BAZ2B: variants seen among roughly 807,000 people sequenced by gnomAD.
The protein encoded by BAZ2B is bromodomain adjacent to zinc finger domain protein 2B.
In BAZ2B, 91 loss-of-function variants were observed where a neutral mutation model predicts 246.0. The observed-to-expected ratio is 0.37, with a 90% CI of 0.31 to 0.44. BAZ2B has a LOEUF of 0.44. BAZ2B is among the 20% of genes least tolerant of loss of function. The pLI is 1.00. For synonymous variants in BAZ2B, 855 were observed against 860.0 expected, an observed-to-expected ratio of 0.99 and a Z score of 0.10; for missense variants, 2,332 against 2,533.7, an observed-to-expected ratio of 0.92 and a Z score of 1.71.
At chr2:159,545,918 T>A (rs1011599702) in intron 2 of BAZ2B, among the ~76,000 whole-genome samples, 6 of 152,186 alleles carry the variant, frequency 3.9e-5, no homozygotes, top group Non-Finnish European at 8.8e-5. Flanking sequence ...CAACTACGGA[T>A]AAGGATAAAC....
intron 27 of BAZ2B, among the ~76,000 whole-genome samples, chr2:159,351,298 A>G (rs942569401): frequency 1.3e-5 from 2 of 152,092 alleles, no homozygotes; most frequent in Non-Finnish European, 2.9e-5. Flanking sequence ...ATGTCGATAA[A>G]CATATAACTT....
chr2:159,657,746 T>C, the BAZ2B span, among the ~76,000 whole-genome samples: 1 of 152,346 alleles, frequency 6.6e-6, no homozygotes, highest in Admixed American at 6.5e-5. Context: ...TTCTTTAATG[T>C]CAAATTCAAA....
the BAZ2B span, among the ~76,000 whole-genome samples, chr2:159,685,266 A>G: frequency 6.6e-6 from 1 of 152,228 alleles, no homozygotes; most frequent in Non-Finnish European, 1.5e-5. Context: ...CCAGATACCA[A>G]GTGAAGTATA....
chr2:159,463,147 C>T (rs1308197721), intron 3 of BAZ2B: 8 of 635,580 alleles, frequency 1.3e-5, no homozygotes, highest in Admixed American at 4.5e-5. Context: ...ACATAGTAGC[C>T]GAATATCACT....
At chr2:159,513,098 T>C (rs1000466528) in intron 2 of BAZ2B, among the ~76,000 whole-genome samples, 3 of 152,116 alleles carry the variant, frequency 2.0e-5, no homozygotes, top group African/African-American at 7.2e-5. Flanking sequence ...TTTCTCCAAA[T>C]GTAAAGCAGA....
Position 159,349,781 on chromosome 2 carries a change from G to T in BAZ2B, c.4790C>A (p.Pro1597His). The change falls in exon 28 of 37, where the codon CCT (proline) becomes CAT (histidine). Residue 1597 changes from proline (P) to histidine (H), a missense_variant. Transcript: ENST00000392783. Reference sequence around the variant, plus strand: ...AGAAGATCCAAGAGGAGCTGGGGTAGGTGAAGGTGACTTAGATGGTGGCTG... The same window carrying T: ...AGAAGATCCAAGAGGAGCTGGGGTATGTGAAGGTGACTTAGATGGTGGCTG... ...QSQPPSKSPS[P>H]TPAPLGSSAQ... The T allele has an allele frequency of 6.2e-7, 1 of 1,614,124 alleles. No individual in the cohort carries two copies. The highest frequency in any genetic ancestry group is 2.2e-5 in the East Asian group (1 of 44,872).
chr2:159,488,167 G>C (rs901734145), intron 2 of BAZ2B, among the ~76,000 whole-genome samples: 1 of 151,984 alleles, frequency 6.6e-6, no homozygotes, highest in Non-Finnish European at 1.5e-5. Flanking sequence ...CCACCTCCTG[G>C]GTTCCAGTAA....
intron 1 of BAZ2B, among the ~76,000 whole-genome samples, chr2:159,599,839 G>C (rs1329150561): frequency 6.6e-6 from 1 of 150,610 alleles, no homozygotes; most frequent in Non-Finnish European, 1.5e-5. Context: ...GGGAGGCTGA[G>C]GCAGGAGAAT....
intron 3 of BAZ2B, chr2:159,461,420 G>A (rs2076396005): frequency 6.6e-6 from 1 of 152,658 alleles, no homozygotes; most frequent in South Asian, 2.1e-4. Context: ...AGAAGAAATC[G>A]TTAGTATTTC....
downstream of BAZ2B, among the ~76,000 whole-genome samples, chr2:159,317,791 T>C (rs2062266238): frequency 6.6e-6 from 1 of 152,114 alleles, no homozygotes; most frequent in Non-Finnish European, 1.5e-5. Flanking sequence ...ACAATGATAC[T>C]GGTTTTATTG....
rs370931685 is a variant in BAZ2B at position 159,512,764 on chromosome 2, G to C, written c.-2-34043C>G. ...CACAGGGATGGGAACCAGGAGTAGA[G>C]GGAGTGTCTCTAATAGGTAACTATA... On this transcript the variant is annotated intron_variant, in intron 2 of 36. Transcript: ENST00000392783. 6.6e-5 allele frequency among the ~76,000 whole-genome samples: 10 copies of C among 152,262 alleles called. No homozygotes were observed. The South Asian group carries it at 1.2e-3, about 19-fold the overall frequency.
rs988755762 is a variant in BAZ2B, at chr2:159,332,761, T to C, written c.5797-75A>G. 136 of 1,480,656 alleles carry C rather than the reference T, an allele frequency of 9.2e-5. No homozygotes were observed. The African/African-American group carries it at 1.4e-3, about 15-fold the overall frequency. 91.7% of individuals were successfully genotyped at this position (1,480,656 alleles called of 1,614,324 possible). A position where few individuals can be genotyped will look rare whatever the true frequency, so the allele number is the denominator to read the frequency against. ...AGTTATTGGGATGTTAAACACACCA[T>C]AATTCCTAATTTATATTAGTAATGA... On this transcript the variant is annotated intron_variant, in intron 33 of 36. Transcript: ENST00000392783.
chr2:159,703,552 A>C, the BAZ2B span, among the ~76,000 whole-genome samples: 1 of 152,190 alleles, frequency 6.6e-6, no homozygotes, highest in South Asian at 2.1e-4. Flanking sequence ...ACAAACAAAA[A>C]AAGCGCTGAG....
chr2:159,397,622 C>T (rs1178966155), intron 18 of BAZ2B, among the ~76,000 whole-genome samples: 1 of 152,104 alleles, frequency 6.6e-6, no homozygotes, highest in African/African-American at 2.4e-5. Flanking sequence ...TAGCAAGGAT[C>T]TTTCTTCAGT....
chr2:159,510,271 C>A (rs1259164850), intron 2 of BAZ2B, among the ~76,000 whole-genome samples: 1 of 152,172 alleles, frequency 6.6e-6, no homozygotes, highest in Non-Finnish European at 1.5e-5. Flanking sequence ...CAGCCTCAAC[C>A]TCCTGTGTTC....
intron 13 of BAZ2B, among the ~76,000 whole-genome samples, chr2:159,413,653 A>C (rs533740048): frequency 1.3e-5 from 2 of 152,208 alleles, no homozygotes; most frequent in Non-Finnish European, 2.9e-5. Context: ...GGTTGCAGTA[A>C]GCCGAGATCG....
rs553781896 is a variant in BAZ2B at position 159,370,908 on chromosome 2, C to T, written c.4213+2137G>A. Among the ~76,000 whole-genome samples the T allele has an allele frequency of 1.4e-4, 22 of 151,966 alleles. No homozygotes were observed. In the South Asian group the frequency reaches 3.5e-3, roughly 24 times the overall value. ...CCTCTCCTTGCCTCCTGGCTTCAAG[C>T]GATTCTCCTGCCTCAGCCTCCTGAG... On this transcript the variant is annotated intron_variant, in intron 27 of 36. Coordinates refer to ENST00000392783, the MANE Select transcript of BAZ2B (RefSeq NM_013450.4).
intron 27 of BAZ2B, among the ~76,000 whole-genome samples, chr2:159,350,920 G>C (rs927423308): frequency 9.1e-5 from 13 of 142,284 alleles, no homozygotes; most frequent in Non-Finnish European, 1.5e-4. Context: ...GGTGGGGGGA[G>C]GGGGGAGGGA....
upstream of BAZ2B, among the ~76,000 whole-genome samples, chr2:159,618,783 C>T (rs1196301789): frequency 6.6e-6 from 1 of 152,002 alleles, no homozygotes; most frequent in Non-Finnish European, 1.5e-5. Flanking sequence ...TTCAAGTTAT[C>T]TTGATTTTCA....
Sources: allele counts gnomAD v4.1 joint callset (sites outside exome capture counted in the v4.1 genomes callset), GRCh38; gene constraint gnomAD v4.1.1; transcripts MANE v1.5; gene names NCBI Gene and HGNC (gene_info 2026-07-23, HGNC 2026-07-21).